The following UNC5C variants were observed in gnomAD, a reference collection of about 807,000 sequenced individuals.
UNC5C encodes the protein unc-5 netrin receptor C, also known as netrin receptor UNC5C.
A neutral mutation model predicts 99.8 loss-of-function variants in UNC5C; 47 were observed. The observed-to-expected ratio is 0.47, with a 90% confidence interval of 0.37 to 0.60. The LOEUF (loss-of-function observed/expected upper bound fraction) is 0.60. UNC5C is among the 20% of genes least tolerant of loss of function. UNC5C has a pLI of 0.00. For missense variants in UNC5C, 1,062 were observed against 1,165.9 expected (o/e 0.91, Z 1.30); for synonymous variants, 487 against 452.2 (o/e 1.08, Z -0.98).
chr4:95,455,565 C>T (rs1578173202), intron 1 of UNC5C, among the ~76,000 whole-genome samples: 2 of 151,924 alleles, frequency 1.3e-5, no homozygotes, highest in Non-Finnish European at 2.9e-5. Context: ...TTTGAGGTGG[C>T]TGCAGTGAGT....
chr4:95,540,896 G>C (rs1038685434), intron 1 of UNC5C, among the ~76,000 whole-genome samples: 1 of 152,038 alleles, frequency 6.6e-6, no homozygotes, highest in African/African-American at 2.4e-5. Context: ...TAATAACATA[G>C]TGCTCTTTTC....
intron 3 of UNC5C, among the ~76,000 whole-genome samples, chr4:95,292,788 T>C (rs1245746799): frequency 6.6e-6 from 1 of 152,206 alleles, no homozygotes; most frequent in East Asian, 1.9e-4. Flanking sequence ...CTTTTCCCCA[T>C]CATGTACTTT....
intron 1 of UNC5C, among the ~76,000 whole-genome samples, chr4:95,426,340 C>T (rs555688331): frequency 1.6e-3 from 248 of 152,300 alleles, no homozygotes; most frequent in African/African-American, 5.5e-3. Context: ...CTGATTGCTT[C>T]AGCAATGAGC....
At chr4:95,177,119 C>T (rs1403565774) in intron 14 of UNC5C, among the ~76,000 whole-genome samples, 3 of 152,202 alleles carry the variant, frequency 2.0e-5, no homozygotes, top group Admixed American at 6.5e-5. Flanking sequence ...GGTGCGCGCA[C>T]CCACTGACCT....
At chr4:95,385,704 A>G (rs1745193216) in intron 1 of UNC5C, among the ~76,000 whole-genome samples, 1 of 152,210 alleles carries the variant, frequency 6.6e-6, no homozygotes, top group Non-Finnish European at 1.5e-5. Flanking sequence ...GTCCAGTCCC[A>G]TCATGATTCT....
intron 2 of UNC5C, among the ~76,000 whole-genome samples, chr4:95,331,411 T>A (rs2149418688): frequency 6.6e-6 from 1 of 152,236 alleles, no homozygotes; most frequent in South Asian, 2.1e-4. Flanking sequence ...TCTATAGAGG[T>A]TGTACTAATG....
chr4:95,202,222 G>A (rs929501271), intron 12 of UNC5C, among the ~76,000 whole-genome samples: 3 of 152,060 alleles, frequency 2.0e-5, no homozygotes, highest in Non-Finnish European at 4.4e-5. Flanking sequence ...TTAAAGCTTC[G>A]AATGGGATAA....
intron 1 of UNC5C, among the ~76,000 whole-genome samples, chr4:95,343,754 C>A (rs1743665237): frequency 6.6e-6 from 1 of 151,884 alleles, no homozygotes; most frequent in Non-Finnish European, 1.5e-5. Flanking sequence ...TAATTAAAAG[C>A]AAGCAGAAAT....
At chr4:95,232,554 G>A (rs573244366) in intron 7 of UNC5C, among the ~76,000 whole-genome samples, 13 of 152,224 alleles carry the variant, frequency 8.5e-5, no homozygotes, top group Non-Finnish European at 1.5e-4. Flanking sequence ...AGGAGCCCAT[G>A]CTTTGCTGTA....
intron 1 of UNC5C, among the ~76,000 whole-genome samples, chr4:95,506,210 C>G (rs912002281): frequency 6.6e-6 from 1 of 151,830 alleles, no homozygotes; most frequent in Non-Finnish European, 1.5e-5. Flanking sequence ...TAAGAATAAT[C>G]AAAAGTAAAT....
At chr4:95,238,137 T>C (rs1376691709) in intron 7 of UNC5C, among the ~76,000 whole-genome samples, 1 of 152,224 alleles carries the variant, frequency 6.6e-6, no homozygotes, top group Non-Finnish European at 1.5e-5. Context: ...ATGATTTAAG[T>C]ATGTGACTCA....
intron 1 of UNC5C, among the ~76,000 whole-genome samples, chr4:95,547,099 C>T (rs1056031594): frequency 1.3e-5 from 2 of 151,820 alleles, no homozygotes; most frequent in African/African-American, 4.8e-5. Context: ...CTGAGAACTT[C>T]TTATCAATTT....
At chr4:95,406,076 G>A (rs1438167732) in intron 1 of UNC5C, among the ~76,000 whole-genome samples, 1 of 152,104 alleles carries the variant, frequency 6.6e-6, no homozygotes, top group Non-Finnish European at 1.5e-5. Flanking sequence ...GGAGTTTTCC[G>A]TGGCACTAGC....
intron 1 of UNC5C, among the ~76,000 whole-genome samples, chr4:95,481,392 C>A (rs941164585): frequency 2.0e-5 from 3 of 151,962 alleles, no homozygotes; most frequent in Non-Finnish European, 4.4e-5. Flanking sequence ...ATTCCATGCT[C>A]ATGGGTAGGA....
At chr4:95,280,768 G>T (rs1409960676) in intron 3 of UNC5C, among the ~76,000 whole-genome samples, 4 of 152,142 alleles carry the variant, frequency 2.6e-5, no homozygotes, top group Non-Finnish European at 5.9e-5. Flanking sequence ...TCTAAACCAT[G>T]TCATTATCTT....
chr4:95,513,637 A>T (rs1560490157), intron 1 of UNC5C, among the ~76,000 whole-genome samples: 1 of 152,154 alleles, frequency 6.6e-6, no homozygotes, highest in African/African-American at 2.4e-5. Context: ...GTATTGCTGA[A>T]TATATAGACA....
intron 1 of UNC5C, among the ~76,000 whole-genome samples, chr4:95,514,713 T>A (rs1560490669): frequency 6.6e-6 from 1 of 151,104 alleles, no homozygotes; most frequent in Non-Finnish European, 1.5e-5. Context: ...TGCTCTGTCA[T>A]CCAGGCTGGT....
At chr4:95,206,185 G>A (rs749698432) in intron 11 of UNC5C, among the ~76,000 whole-genome samples, 11 of 151,694 alleles carry the variant, frequency 7.3e-5, no homozygotes, top group Non-Finnish European at 1.6e-4. Context: ...ATTTTTAGTA[G>A]AGACAGGATT....
chr4:95,457,834 CAACCACAACG>C (rs919356148), intron 1 of UNC5C, among the ~76,000 whole-genome samples: 1 of 152,122 alleles, frequency 6.6e-6, no homozygotes, highest in African/African-American at 2.4e-5. Context: ...ATTCTGTCTA[CAACCACAACG>C]AAAGCATGTG....
Sources: allele counts gnomAD v4.1 joint callset (sites outside exome capture counted in the v4.1 genomes callset), GRCh38; gene constraint gnomAD v4.1.1; transcripts MANE v1.5; gene names NCBI Gene and HGNC (gene_info 2026-07-23, HGNC 2026-07-21).